Variants in PRKN observed in about 807,000 individuals in gnomAD.
PRKN encodes the protein E3 ubiquitin-protein ligase parkin.
PRKN carries 56 observed loss-of-function variants against 59.5 expected under a neutral mutation model. That is an observed-to-expected ratio of 0.94 (90% CI 0.76 to 1.18). PRKN has a LOEUF of 1.18. Among genes scored for constraint, PRKN ranks in the 50% most tolerant of loss-of-function variants. The pLI, the probability that PRKN is intolerant of heterozygous loss-of-function variation, is 0.00. For synonymous variants in PRKN, 250 were observed against 222.1 expected (o/e 1.13, Z -1.12); for missense variants, 657 against 596.4 (o/e 1.10, Z -1.06).
chr6:162,068,446 G>A (rs1309618658), intron 4 of PRKN, among the ~76,000 whole-genome samples: 1 of 152,154 alleles, frequency 6.6e-6, no homozygotes, highest in South Asian at 2.1e-4. Flanking sequence ...AGTCCCATGA[G>A]GCCCAGTCAA....
intron 5 of PRKN, among the ~76,000 whole-genome samples, chr6:162,019,556 T>TCTG (rs1783055771): frequency 6.6e-6 from 1 of 152,158 alleles, no homozygotes. Flanking sequence ...CGCTGATGTG[T>TCTG]AATTAATCTG....
chr6:162,200,721 A>G (rs907410706), intron 4 of PRKN, among the ~76,000 whole-genome samples: 5 of 152,180 alleles, frequency 3.3e-5, no homozygotes, highest in Non-Finnish European at 7.3e-5. Flanking sequence ...ATCTTAACGC[A>G]ACAGCCCAGT....
intron 3 of PRKN, among the ~76,000 whole-genome samples, chr6:162,216,838 T>C (rs1256264790): frequency 6.6e-6 from 1 of 152,168 alleles, no homozygotes; most frequent in Non-Finnish European, 1.5e-5. Flanking sequence ...AATGAAATCT[T>C]TCTTTTGGTT....
chr6:162,287,409 A>G lies in PRKN; in HGVS notation c.172-24644T>C, dbSNP rs530173305. ...TGGCAAAACTCTGTCTCTACAAAAAAATATAAAAATCAGCTGGGCATGGTG... is the reference window on the plus strand; with the variant it reads ...TGGCAAAACTCTGTCTCTACAAAAAGATATAAAAATCAGCTGGGCATGGTG... On this transcript the variant is annotated intron_variant, in intron 2 of 11. Coordinates refer to ENST00000366898, the MANE Select transcript of PRKN (RefSeq NM_004562.3). 1.1e-3 allele frequency among the ~76,000 whole-genome samples: 170 copies of G among 152,220 alleles called. 2 individuals are homozygous for G. In the South Asian group the frequency reaches 0.014, roughly 13 times the overall value.
chr6:161,649,997 G>C (rs757133110), intron 7 of PRKN, among the ~76,000 whole-genome samples: 1 of 152,202 alleles, frequency 6.6e-6, no homozygotes, highest in Non-Finnish European at 1.5e-5. Context: ...GGTCGCTGCA[G>C]GTGTGCCAGC....
chr6:162,019,634 A>C (rs1191489746), intron 5 of PRKN, among the ~76,000 whole-genome samples: 1 of 152,198 alleles, frequency 6.6e-6, no homozygotes, highest in Non-Finnish European at 1.5e-5. Flanking sequence ...GCCAAAGAAC[A>C]CTTGGGGAGT....
intron 1 of PRKN, among the ~76,000 whole-genome samples, chr6:162,472,022 G>T (rs1189123762): frequency 6.6e-6 from 1 of 152,122 alleles, no homozygotes; most frequent in Non-Finnish European, 1.5e-5. Context: ...CTGACATTCA[G>T]TCAGATTGAT....
rs59112045 is a variant in PRKN, at chr6:162,480,064, C to CAA, written c.8-36593_8-36592dup. On this transcript the variant is annotated intron_variant, in intron 1 of 11. Coordinates refer to ENST00000366898, the MANE Select transcript of PRKN (RefSeq NM_004562.3). ...TGGGTGAGAGAGCAAGATTTTGTCTCAAAAAAAAAAAAAATAGTATAAGTT... is the reference window on the plus strand; with the variant it reads ...TGGGTGAGAGAGCAAGATTTTGTCTCAAAAAAAAAAAAAAAATAGTATAAGTT... Among the ~76,000 whole-genome samples the CAA allele has an allele frequency of 9.3e-3, 1,312 of 141,624 alleles. 17 individuals carry two copies. Among genetic ancestry groups the CAA allele is most frequent in the Middle Eastern group, 0.03 (8 of 268 alleles). 92.9% of individuals were successfully genotyped at this position (141,624 alleles called of 152,430 possible).
rs1325998156 is a variant in PRKN at position 161,371,514 on chromosome 6, G to A, written c.1168-11309C>T. ...AATCATCAGAGTGTTGGGATTTAAT[G>A]GGGTGTCTAGCCAAGGGCTCCGGGG... On this transcript the variant is annotated intron_variant, in intron 10 of 11. Transcript: ENST00000366898. This position sits in a 1 kb window ranked among gnomAD's most constrained non-coding sequence, Gnocchi z 5.5. 1.3e-5 allele frequency among the ~76,000 whole-genome samples: 2 copies of A among 151,980 alleles called. No individual in the cohort carries two copies. The highest frequency in any genetic ancestry group is 2.9e-5 in the Non-Finnish European group (2 of 67,996).
intron 5 of PRKN, among the ~76,000 whole-genome samples, chr6:162,019,992 C>A (rs1289799498): frequency 6.6e-6 from 1 of 151,730 alleles, no homozygotes; most frequent in South Asian, 2.1e-4. Flanking sequence ...GCACTCCAGC[C>A]TGGGCGACAA....
Position 162,011,469 on chromosome 6 carries a change from A to T in PRKN, c.619-38052T>A, listed in dbSNP as rs1278115687. On this transcript the variant is annotated intron_variant, in intron 5 of 11. Transcript: ENST00000366898. ...TATAATATATAATATATATATTATAATATATAATATATTATAATATATATA... is the reference window on the plus strand; with the variant it reads ...TATAATATATAATATATATATTATATTATATAATATATTATAATATATATA... Among the ~76,000 whole-genome samples, 3 of 37,462 alleles carry T rather than the reference A, an allele frequency of 8.0e-5. No homozygotes were observed. In the South Asian group the frequency reaches 2.1e-3, roughly 26 times the overall value. 24.6% of individuals were successfully genotyped at this position (37,462 alleles called of 152,430 possible).
intron 3 of PRKN, among the ~76,000 whole-genome samples, chr6:162,204,506 T>C (rs1355147042): frequency 1.3e-5 from 2 of 152,282 alleles, no homozygotes; most frequent in South Asian, 4.1e-4. Flanking sequence ...AATCCACTTG[T>C]AGGGCTTGAT....
rs140840443 is a variant in PRKN at position 161,841,988 on chromosome 6, A to C, written c.735-56080T>G. ...AAACCCCATTGCAGTAATCCCCTCC[A>C]AATAAAGCCTGCCTTACTGTTCTTT... On this transcript the variant is annotated intron_variant, in intron 6 of 11. Transcript: ENST00000366898. Among the ~76,000 whole-genome samples, 37 of 152,166 alleles carry C rather than the reference A, an allele frequency of 2.4e-4. 1 individual carries two copies. The East Asian group carries it at 6.0e-3, about 25-fold the overall frequency.
intron 6 of PRKN, among the ~76,000 whole-genome samples, chr6:161,962,191 A>G (rs966723814): frequency 7.2e-5 from 11 of 152,244 alleles, no homozygotes; most frequent in Non-Finnish European, 1.6e-4. Context: ...GAGAAAATAG[A>G]GCTACATAAA....
chr6:162,539,819 A>G (rs570586903), intron 1 of PRKN, among the ~76,000 whole-genome samples: 1 of 152,232 alleles, frequency 6.6e-6, no homozygotes, highest in Non-Finnish European at 1.5e-5. Context: ...ATAAAGACAC[A>G]TGCAAAAGAT....
At chr6:161,774,787 C>T (rs764646669) in intron 7 of PRKN, among the ~76,000 whole-genome samples, 4 of 152,326 alleles carry the variant, frequency 2.6e-5, no homozygotes, top group Non-Finnish European at 5.9e-5. Context: ...GACTATTACC[C>T]TGACTTTACA....
At chr6:161,637,012 T>C (rs539014319) in intron 7 of PRKN, among the ~76,000 whole-genome samples, 1 of 152,332 alleles carries the variant, frequency 6.6e-6, no homozygotes, top group East Asian at 1.9e-4. Context: ...CATCAGAATG[T>C]ATCAGCCACT....
At chr6:161,928,579 G>A (rs1341048814) in intron 6 of PRKN, among the ~76,000 whole-genome samples, 1 of 152,172 alleles carries the variant, frequency 6.6e-6, no homozygotes, top group Admixed American at 6.5e-5. Context: ...GGTGAGATAA[G>A]ATAGAAAATA....
chr6:162,237,234 A>C (rs548514677), intron 3 of PRKN, among the ~76,000 whole-genome samples: 2 of 152,304 alleles, frequency 1.3e-5, no homozygotes, highest in South Asian at 4.1e-4. Flanking sequence ...CATGGAAAAA[A>C]ATGTGATTAT....
Sources: gnomAD v4.1 joint callset for allele counts (sites outside exome capture counted in the v4.1 genomes callset) on GRCh38, gnomAD v4.1.1 for gene constraint, Gnocchi (gnomAD v3.1) non-coding constraint, MANE v1.5 for transcripts, NCBI Gene and HGNC (gene_info 2026-07-23, HGNC 2026-07-21) for gene names.